RAB11FIP3: variants seen among roughly 807,000 people sequenced by gnomAD.
RAB11FIP3 encodes RAB11 family interacting protein 3, also known as rab11 family-interacting protein 3.
Under a neutral mutation model 77.8 loss-of-function variants are expected in RAB11FIP3, and 17 were observed. The ratio of observed to expected loss-of-function variants is 0.22; its 90% CI spans 0.15 to 0.33. RAB11FIP3 has a LOEUF of 0.33. RAB11FIP3 is among the 10% of genes least tolerant of loss of function. RAB11FIP3 has a pLI of 1.00. For missense variants in RAB11FIP3, 1,005 were observed against 1,011.2 expected (o/e 0.99, Z 0.08); for synonymous variants, 437 against 448.2 (o/e 0.98, Z 0.31).
intron 1 of RAB11FIP3, among the ~76,000 whole-genome samples, chr16:436,724 C>T (rs766978913): frequency 9.9e-5 from 15 of 152,104 alleles, no homozygotes; most frequent in African/African-American, 1.9e-4. Context: ...CCCACCTCGG[C>T]GTCCGAAAGT....
intron 1 of RAB11FIP3, among the ~76,000 whole-genome samples, chr16:454,720 C>T (rs1815266180): frequency 6.6e-6 from 1 of 152,172 alleles, no homozygotes; most frequent in Non-Finnish European, 1.5e-5. Context: ...GAAAGTGTCA[C>T]ATACAGGCTC....
chr16:438,089 A>G (rs1009071388), intron 1 of RAB11FIP3, among the ~76,000 whole-genome samples: 4 of 151,808 alleles, frequency 2.6e-5, no homozygotes, highest in African/African-American at 9.7e-5. Context: ...GATTACAGGC[A>G]TCAGCCACTG....
At chr16:455,908 T>A (rs1351641372) in intron 1 of RAB11FIP3, among the ~76,000 whole-genome samples, 2 of 152,176 alleles carry the variant, frequency 1.3e-5, no homozygotes, top group African/African-American at 2.4e-5. Flanking sequence ...GGTTCAGGCT[T>A]TATACTAAGT....
At chr16:436,887 C>A (rs1281939838) in intron 1 of RAB11FIP3, among the ~76,000 whole-genome samples, 1 of 152,082 alleles carries the variant, frequency 6.6e-6, no homozygotes, top group Admixed American at 6.6e-5. Flanking sequence ...CCAACAAATT[C>A]TTAGTGACAG....
At chr16:520,316 G>A (rs761562993) in intron 12 of RAB11FIP3, 39 bp downstream of exon 12, 72 of 1,551,186 alleles carry the variant, frequency 4.6e-5, no homozygotes, top group Non-Finnish European at 5.8e-5. Flanking sequence ...CACTCCTGCA[G>A]AAGCTTCCAC....
chr16:450,629 A>T (rs2055391690), intron 1 of RAB11FIP3, among the ~76,000 whole-genome samples: 1 of 152,096 alleles, frequency 6.6e-6, no homozygotes, highest in African/African-American at 2.4e-5. Context: ...GGGCTGGCGA[A>T]TGAGGGCCCC....
In RAB11FIP3 at chr16:461,511, G is replaced by A. The variant is rs545991481; in HGVS notation, c.808+14G>A. On this transcript the variant is annotated intron_variant, in intron 2 of 13. Transcript: ENST00000262305. The surrounding 1 kb of genome is among the most constrained non-coding windows in gnomAD (Gnocchi z 4.5). Reference sequence around the variant, plus strand: ...TCAGAAACGGAGGTCAGTCATCCCCGCCATGAGCTCCCACCTCCTCTCCCG... The same window carrying A: ...TCAGAAACGGAGGTCAGTCATCCCCACCATGAGCTCCCACCTCCTCTCCCG... The A allele has an allele frequency of 1.2e-5, 20 of 1,606,258 alleles. No homozygotes were observed. In the East Asian group the frequency reaches 1.3e-4, roughly 11 times the overall value.
chr16:487,347 GTCT>G (rs1244905162), intron 4 of RAB11FIP3, among the ~76,000 whole-genome samples: 1 of 152,080 alleles, frequency 6.6e-6, no homozygotes, highest in Non-Finnish European at 1.5e-5. Context: ...AGCCAGGATG[GTCT>G]CGATCTCCTG....
intron 3 of RAB11FIP3, among the ~76,000 whole-genome samples, chr16:473,558 T>C (rs1359787333): frequency 2.0e-5 from 3 of 152,118 alleles, no homozygotes; most frequent in Non-Finnish European, 2.9e-5. Context: ...TCTCAGCCTT[T>C]CCAGTGGCTG....
In RAB11FIP3 at chr16:507,113, T is replaced by A. The variant is rs755666553; in HGVS notation, c.1499+1486T>A. On this transcript the variant is annotated intron_variant, in intron 8 of 13. Coordinates refer to ENST00000262305, the MANE Select transcript of RAB11FIP3 (RefSeq NM_014700.4). The surrounding 1 kb of genome is among the most constrained non-coding windows in gnomAD (Gnocchi z 4.6). The stretch of plus-strand genomic sequence containing the variant: ...ACAGGTGTGCACCACCACACCCAGC[T>A]TTTTTTTTTTTTTTTTTGAGACGGG... Among the ~76,000 whole-genome samples, 212 of 124,718 alleles carry A rather than the reference T, an allele frequency of 1.7e-3. 2 individuals are homozygous for A. The highest frequency in any genetic ancestry group is 2.5e-3 in the Non-Finnish European group (153 of 60,740). 81.8% of individuals were successfully genotyped at this position (124,718 alleles called of 152,430 possible).
At position 482,516 on chromosome 16, in the gene RAB11FIP3, C is replaced by G. The variant is rs747739825; in HGVS notation, c.904-9C>G. ...TGTGCCCGCTGACTGCTGGCGCACT[C>G]TCTCCTAGGCCAACGAGGTGACGGA... On this transcript the variant is annotated splice_polypyrimidine_tract_variant and intron_variant, in intron 3 of 13. Coordinates refer to ENST00000262305, the MANE Select transcript of RAB11FIP3 (RefSeq NM_014700.4). The G allele has an allele frequency of 2.0e-5, 32 of 1,612,972 alleles. No homozygotes were observed. The highest frequency in any genetic ancestry group is 2.5e-5 in the Non-Finnish European group (30 of 1,179,742).
chr16:505,342 GC>G lies in RAB11FIP3; in HGVS notation c.1396-178del, dbSNP rs1231370216. Reference sequence around the variant, plus strand: ...AATGACAGTGCTCCCCAAGACCCCGGCCCCATTAGGAGCTGCACCTTTGTGG... The same window carrying G: ...AATGACAGTGCTCCCCAAGACCCCGGCCCATTAGGAGCTGCACCTTTGTGG... On this transcript the variant is annotated intron_variant, in intron 7 of 13. Coordinates refer to ENST00000262305, the MANE Select transcript of RAB11FIP3 (RefSeq NM_014700.4). The surrounding 1 kb of genome is among the most constrained non-coding windows in gnomAD (Gnocchi z 4.0). Among the ~76,000 whole-genome samples, 1 of 152,154 alleles carries G rather than the reference GC, an allele frequency of 6.6e-6. No individual in the cohort carries two copies. Among genetic ancestry groups the G allele is most frequent in the Non-Finnish European group, 1.5e-5 (1 of 68,024 alleles).
At chr16:448,141 A>C (rs1291777837) in intron 1 of RAB11FIP3, among the ~76,000 whole-genome samples, 1 of 150,094 alleles carries the variant, frequency 6.7e-6, no homozygotes, top group Non-Finnish European at 1.5e-5. Flanking sequence ...AACATGGTGA[A>C]ACCAATCTCT....
chr16:427,106 C>G (rs1249314226), intron 1 of RAB11FIP3, among the ~76,000 whole-genome samples: 2 of 152,168 alleles, frequency 1.3e-5, no homozygotes, highest in African/African-American at 4.8e-5. Flanking sequence ...CACCCGAGGG[C>G]CCAGATACTG....
intron 1 of RAB11FIP3, among the ~76,000 whole-genome samples, chr16:432,333 T>C (rs2055050605): frequency 6.6e-6 from 1 of 151,996 alleles, no homozygotes; most frequent in South Asian, 2.1e-4. Context: ...GCTGAGATCT[T>C]GCCATTGCAC....
intron 1 of RAB11FIP3, among the ~76,000 whole-genome samples, chr16:453,847 G>A (rs1211194704): frequency 6.6e-6 from 1 of 151,706 alleles, no homozygotes; most frequent in Non-Finnish European, 1.5e-5. Flanking sequence ...TGCTCACCTC[G>A]GCCTTTCAAA....
intron 9 of RAB11FIP3, among the ~76,000 whole-genome samples, chr16:518,260 TA>T (rs774613317): frequency 1.7e-4 from 26 of 152,304 alleles, no homozygotes; most frequent in Non-Finnish European, 2.6e-4. Flanking sequence ...TGTATTTTTT[TA>T]TAGAGATGGG....
At chr16:458,917 G>A (rs1013523397) in intron 1 of RAB11FIP3, among the ~76,000 whole-genome samples, 49 of 152,184 alleles carry the variant, frequency 3.2e-4, no homozygotes, top group African/African-American at 1.0e-3. Flanking sequence ...GTAGTGAAAT[G>A]GTGCACTGGT....
chr16:438,319 G>C (rs7190405), intron 1 of RAB11FIP3, among the ~76,000 whole-genome samples: 2 of 151,372 alleles, frequency 1.3e-5, no homozygotes, highest in Admixed American at 6.6e-5. Context: ...TGTTGGCCAG[G>C]CTGGTCTTGA....
Sources: gnomAD v4.1 joint callset for allele counts (sites outside exome capture counted in the v4.1 genomes callset) on GRCh38, gnomAD v4.1.1 for gene constraint, Gnocchi (gnomAD v3.1) non-coding constraint, MANE v1.5 for transcripts, NCBI Gene and HGNC (gene_info 2026-07-23, HGNC 2026-07-21) for gene names.